HACD2: variants seen among roughly 807,000 people sequenced by gnomAD.
HACD2 encodes the protein very-long-chain (3R)-3-hydroxyacyl-CoA dehydratase 2.
In HACD2, 15 loss-of-function variants were observed where a neutral mutation model predicts 31.0. The observed-to-expected ratio is 0.48, with a 90% CI of 0.32 to 0.75. HACD2 has a LOEUF of 0.75. Ranked by LOEUF, HACD2 falls within the 30% of genes least tolerant of loss-of-function variation. The probability of loss-of-function intolerance (pLI) is 0.03; values close to 1 mark genes in which losing one functional copy is unlikely to be tolerated. For missense variants in HACD2, 283 were observed against 313.0 expected (o/e 0.90, Z 0.72); for synonymous variants, 115 against 122.2 (o/e 0.94, Z 0.39).
intron 2 of HACD2, among the ~76,000 whole-genome samples, chr3:123,579,794 T>A (rs1333318353): frequency 1.3e-5 from 2 of 152,182 alleles, no homozygotes; most frequent in South Asian, 2.1e-4. Flanking sequence ...ACTACTTATT[T>A]ACTAGTGTCC....
intron 2 of HACD2, among the ~76,000 whole-genome samples, chr3:123,571,288 T>C (rs1670062455): frequency 6.6e-6 from 1 of 152,264 alleles, no homozygotes; most frequent in Non-Finnish European, 1.5e-5. Flanking sequence ...TCCTTGGCTA[T>C]TCAATCAAAC....
intron 3 of HACD2, among the ~76,000 whole-genome samples, chr3:123,566,320 C>T (rs2056791588): frequency 2.0e-5 from 3 of 152,072 alleles, no homozygotes; most frequent in African/African-American, 7.2e-5. Flanking sequence ...GAGACTCACT[C>T]GTTTCCCAGG....
At chr3:123,568,487 C>T (rs1345714783) in intron 2 of HACD2, among the ~76,000 whole-genome samples, 1 of 152,220 alleles carries the variant, frequency 6.6e-6, no homozygotes, top group Non-Finnish European at 1.5e-5. Context: ...TTCCCCTCAT[C>T]CTCAAGTACA....
chr3:123,519,827 C>T (rs562883949), intron 4 of HACD2, among the ~76,000 whole-genome samples: 1 of 152,322 alleles, frequency 6.6e-6, no homozygotes, highest in African/African-American at 2.4e-5. Context: ...AGCACATCTG[C>T]TTAAAAGTAG....
At chr3:123,545,567 A>G (rs981277749) in intron 3 of HACD2, among the ~76,000 whole-genome samples, 1 of 136,820 alleles carries the variant, frequency 7.3e-6, no homozygotes, top group South Asian at 2.2e-4. Flanking sequence ...AAAAAAAAAG[A>G]CCACAACTTG....
At chr3:123,559,671 C>G (rs898771490) in intron 3 of HACD2, among the ~76,000 whole-genome samples, 2 of 152,178 alleles carry the variant, frequency 1.3e-5, no homozygotes, top group Non-Finnish European at 1.5e-5. Context: ...ACTGGACAGC[C>G]AGCTAATACT....
chr3:123,518,995 TA>T (rs67571643), intron 4 of HACD2, among the ~76,000 whole-genome samples: 9,475 of 42,584 alleles, frequency 0.22, 371 homozygotes, highest in East Asian at 0.49. Context: ...AGACTCCAAC[TA>T]AAAAAAAAAA....
chr3:123,580,692 A>G (rs1320517703), intron 2 of HACD2, among the ~76,000 whole-genome samples: 1 of 150,978 alleles, frequency 6.6e-6, no homozygotes, highest in East Asian at 2.0e-4. Context: ...CTGAGGTGGG[A>G]GGACTGCTTG....
chr3:123,527,061 T>C (rs575782927), intron 4 of HACD2, among the ~76,000 whole-genome samples: 1 of 152,346 alleles, frequency 6.6e-6, no homozygotes, highest in East Asian at 1.9e-4. Context: ...TGAACAATAC[T>C]TTGACTTCAT....
chr3:123,530,449 G>A (rs937197238), intron 3 of HACD2, among the ~76,000 whole-genome samples: 1 of 144,728 alleles, frequency 6.9e-6, no homozygotes, highest in Non-Finnish European at 1.5e-5. Context: ...TTGCTCTGTC[G>A]CCAGGCTAGA....
At chr3:123,578,893 G>C (rs2332645) in intron 2 of HACD2, among the ~76,000 whole-genome samples, 37,983 of 152,048 alleles carry the variant, frequency 0.25, 6,412 homozygotes, top group East Asian at 0.6. Context: ...TTATTACACA[G>C]TGTAGATGGG....
chr3:123,551,124 AG>A (rs1219771332), intron 3 of HACD2, among the ~76,000 whole-genome samples: 1 of 152,122 alleles, frequency 6.6e-6, no homozygotes, highest in Non-Finnish European at 1.5e-5. Flanking sequence ...ATCATGGAAA[AG>A]GGTTCCAGAA....
chr3:123,528,050 G>T (rs192965203), intron 4 of HACD2, among the ~76,000 whole-genome samples: 42 of 152,292 alleles, frequency 2.8e-4, no homozygotes, highest in African/African-American at 9.9e-4. Context: ...CTTGAGCTCA[G>T]GAGTTCGAGA....
Position 123,528,576 on chromosome 3 carries a change from G to A in HACD2, c.293-102C>T, listed in dbSNP as rs139015523. 37 of 747,778 alleles carry A rather than the reference G, an allele frequency of 4.9e-5. No individual in the cohort carries two copies. The African/African-American group carries it at 5.8e-4, about 12-fold the overall frequency. 46.3% of individuals were successfully genotyped at this position (747,778 alleles called of 1,614,324 possible). On this transcript the variant is annotated intron_variant, in intron 3 of 6. Transcript: ENST00000383657. The stretch of plus-strand genomic sequence containing the variant: ...CAACTTAAATGTTTAGAGTCAAAAC[G>A]GTCTTGAGCAACTGAAAGGTGTCTA...
chr3:123,582,275 GT>G lies in HACD2; in HGVS notation c.209del (p.Tyr70SerfsTer12). 1 of 1,609,072 alleles carries G rather than the reference GT, an allele frequency of 6.2e-7. No individual in the cohort carries two copies. On this transcript the variant is annotated frameshift_variant, in exon 2 of 7. Transcript: ENST00000383657. LOFTEE classifies it high-confidence loss of function. ...TTTCAATTGAATAATAAAGGCTATG[GT>G]AGCTACCCTTAGCCAGGTATGCTCG... ...LVRAYLAKGS[Y>X]HSLYYSIEKP...
chr3:123,496,225 G>A (rs955017777), intron 6 of HACD2, among the ~76,000 whole-genome samples: 12 of 152,222 alleles, frequency 7.9e-5, no homozygotes, highest in Admixed American at 5.2e-4. Context: ...GATCTCCTAC[G>A]TTGCCCAGGC....
At chr3:123,529,483 G>A (rs2056325941) in intron 3 of HACD2, among the ~76,000 whole-genome samples, 1 of 152,196 alleles carries the variant, frequency 6.6e-6, no homozygotes, top group Non-Finnish European at 1.5e-5. Flanking sequence ...CCAACACTCT[G>A]GGAGGCTGAA....
chr3:123,498,765 CTCTA>C (rs2055866010), intron 6 of HACD2, among the ~76,000 whole-genome samples: 1 of 152,136 alleles, frequency 6.6e-6, no homozygotes, highest in African/African-American at 2.4e-5. Context: ...TTTCTCTTTC[CTCTA>C]TCTCTTTCAA....
At chr3:123,546,619 G>A (rs968112860) in intron 3 of HACD2, among the ~76,000 whole-genome samples, 5 of 152,154 alleles carry the variant, frequency 3.3e-5, no homozygotes, top group Admixed American at 3.3e-4. Flanking sequence ...TCACACTAAG[G>A]ATAGTAGAGC....
Sources: gnomAD v4.1 joint callset for allele counts (sites outside exome capture counted in the v4.1 genomes callset) on GRCh38, gnomAD v4.1.1 for gene constraint, MANE v1.5 for transcripts, NCBI Gene and HGNC (gene_info 2026-07-23, HGNC 2026-07-21) for gene names.